The following ASAP1 variants were observed in gnomAD, a reference collection of about 807,000 sequenced individuals.
ASAP1 encodes the protein ArfGAP with SH3 domain, ankyrin repeat and PH domain 1.
Under a neutral mutation model 145.2 loss-of-function variants are expected in ASAP1, and 43 were observed. That is an observed-to-expected ratio of 0.30 (90% CI 0.23 to 0.38). The LOEUF (loss-of-function observed/expected upper bound fraction) is 0.38. ASAP1 is among the 10% of genes least tolerant of loss of function. ASAP1 has a pLI of 1.00. For synonymous variants in ASAP1, 546 were observed against 515.5 expected (o/e 1.06, Z -0.80); for missense variants, 1,018 against 1,355.3 (o/e 0.75, Z 3.91).
chr8:130,318,034 T>A (rs979437798), intron 3 of ASAP1, among the ~76,000 whole-genome samples: 3 of 152,204 alleles, frequency 2.0e-5, no homozygotes, highest in African/African-American at 4.8e-5. Context: ...TAGAGAGTTT[T>A]TATGACAAGA....
intron 5 of ASAP1, among the ~76,000 whole-genome samples, chr8:130,201,724 T>C (rs934786069): frequency 6.6e-6 from 1 of 152,240 alleles, no homozygotes; most frequent in Admixed American, 6.5e-5. Context: ...AGGATTTCTT[T>C]GTTGTACTTA....
chr8:130,295,711 G>A (rs1822228551), intron 3 of ASAP1, among the ~76,000 whole-genome samples: 1 of 152,100 alleles, frequency 6.6e-6, no homozygotes, highest in Non-Finnish European at 1.5e-5. Context: ...CTTAATGCTG[G>A]GCTCTAACTT....
intron 2 of ASAP1, among the ~76,000 whole-genome samples, chr8:130,392,025 C>T (rs1391891030): frequency 1.3e-5 from 2 of 152,224 alleles, no homozygotes; most frequent in African/African-American, 4.8e-5. Context: ...ATCTATAGCA[C>T]TTACGTTCTG....
chr8:130,134,251 C>T (rs747092061), intron 15 of ASAP1, 45 bp downstream of exon 15: 5 of 1,435,992 alleles, frequency 3.5e-6, no homozygotes, highest in East Asian at 2.4e-5. Context: ...CAGAGAGGTG[C>T]TTTTTCAATC....
At chr8:130,149,213 C>G (rs949311827) in intron 13 of ASAP1, among the ~76,000 whole-genome samples, 5 of 147,982 alleles carry the variant, frequency 3.4e-5, no homozygotes, top group Non-Finnish European at 5.9e-5. Context: ...GAAATGAAAG[C>G]ATCTTATACT....
chr8:130,440,737 T>C (rs1830462195), intron 1 of ASAP1, among the ~76,000 whole-genome samples: 2 of 152,176 alleles, frequency 1.3e-5, no homozygotes, highest in African/African-American at 4.8e-5. Flanking sequence ...TTGTGCATAG[T>C]CAACTTTGCA....
chr8:130,432,757 A>G (rs1007068358), intron 1 of ASAP1, among the ~76,000 whole-genome samples: 8 of 151,912 alleles, frequency 5.3e-5, no homozygotes, highest in Non-Finnish European at 8.8e-5. Context: ...TCTTTTTAAG[A>G]TGCAGAAAAA....
At chr8:130,191,568 T>C (rs1815142714) in intron 5 of ASAP1, among the ~76,000 whole-genome samples, 1 of 152,192 alleles carries the variant, frequency 6.6e-6, no homozygotes, top group Non-Finnish European at 1.5e-5. Flanking sequence ...CAGCCAACTC[T>C]ACTACATTAT....
intron 24 of ASAP1, among the ~76,000 whole-genome samples, chr8:130,102,682 T>C (rs1317729778): frequency 6.6e-6 from 1 of 152,158 alleles, no homozygotes; most frequent in South Asian, 2.1e-4. Flanking sequence ...CTAGTTTTTC[T>C]TTACTATTTG....
intron 3 of ASAP1, among the ~76,000 whole-genome samples, chr8:130,298,905 A>T (rs1481540540): frequency 6.6e-6 from 1 of 152,216 alleles, no homozygotes; most frequent in African/African-American, 2.4e-5. Context: ...CGACCAGATT[A>T]CAGGTATTAG....
At chr8:130,139,785 T>A (rs942146029) in intron 13 of ASAP1, among the ~76,000 whole-genome samples, 3 of 151,618 alleles carry the variant, frequency 2.0e-5, no homozygotes, top group Non-Finnish European at 4.4e-5. Flanking sequence ...AAGAAAAATT[T>A]AGTAATTTTT....
Position 130,295,669 on chromosome 8 carries a change from A to G in ASAP1, c.187-58675T>C, listed in dbSNP as rs1439854327. Among the ~76,000 whole-genome samples, 7 of 152,218 alleles carry G rather than the reference A, an allele frequency of 4.6e-5. 1 individual carries two copies. Among genetic ancestry groups the G allele is most frequent in the Admixed American group, 3.9e-4 (6 of 15,276 alleles). On this transcript the variant is annotated intron_variant, in intron 3 of 29. Coordinates refer to ENST00000518721, the MANE Select transcript of ASAP1 (RefSeq NM_018482.4). ...AAGCTTTGCAGAAAGCTTTTACCAT[A>G]AGCTGCAACTGTATGATGTGCATGA... is the stretch of plus-strand genomic sequence containing the variant.
At chr8:130,065,627 C>T (rs1013517172) in intron 27 of ASAP1, among the ~76,000 whole-genome samples, 3 of 152,194 alleles carry the variant, frequency 2.0e-5, no homozygotes, top group African/African-American at 7.2e-5. Context: ...TATATATCTA[C>T]AGCTCCATAG....
At chr8:130,061,791 GTTC>G (rs1227814864) in intron 27 of ASAP1, among the ~76,000 whole-genome samples, 3 of 152,130 alleles carry the variant, frequency 2.0e-5, no homozygotes, top group African/African-American at 7.2e-5. Context: ...CTCCAAATCA[GTTC>G]TTTTTTATTC....
chr8:130,203,085 G>C (rs1815974669), intron 5 of ASAP1, among the ~76,000 whole-genome samples: 1 of 151,452 alleles, frequency 6.6e-6, no homozygotes. Flanking sequence ...AAGTGAATTT[G>C]AATTAAAAAA....
chr8:130,400,087 T>C (rs1362528470), intron 2 of ASAP1, among the ~76,000 whole-genome samples: 1 of 152,176 alleles, frequency 6.6e-6, no homozygotes, highest in Non-Finnish European at 1.5e-5. Context: ...CCCAAAGTGC[T>C]GGGATTACAG....
chr8:130,266,574 A>G (rs112905405), intron 3 of ASAP1, among the ~76,000 whole-genome samples: 63 of 152,312 alleles, frequency 4.1e-4, no homozygotes, highest in Middle Eastern at 3.4e-3. Flanking sequence ...TTTCCCACAG[A>G]GAAAGCCCTC....
intron 13 of ASAP1, among the ~76,000 whole-genome samples, chr8:130,151,423 A>G: frequency 6.8e-6 from 1 of 147,994 alleles, no homozygotes; most frequent in African/African-American, 2.5e-5. Flanking sequence ...ATTGCTGAAG[A>G]AATGAATAAC....
chr8:130,127,114 T>C (rs1461743211), intron 16 of ASAP1, among the ~76,000 whole-genome samples: 3 of 152,200 alleles, frequency 2.0e-5, no homozygotes, highest in Non-Finnish European at 4.4e-5. Context: ...AATAAAAGTT[T>C]GGGAGAAGGC....
Sources: allele counts gnomAD v4.1 joint callset (sites outside exome capture counted in the v4.1 genomes callset), GRCh38; gene constraint gnomAD v4.1.1; transcripts MANE v1.5; gene names NCBI Gene and HGNC (gene_info 2026-07-23, HGNC 2026-07-21).